Variants in SPATA21 observed in about 807,000 individuals in gnomAD.
SPATA21 encodes spermatogenesis-associated protein 21.
A neutral mutation model predicts 54.8 loss-of-function variants in SPATA21; 47 were observed. The observed-to-expected ratio is 0.86, with a 90% CI of 0.68 to 1.09. SPATA21 has a LOEUF of 1.09. Ranked by LOEUF, SPATA21 falls within the 50% of genes least tolerant of loss-of-function variation. SPATA21 has a pLI of 0.00. For missense variants in SPATA21, 599 were observed against 596.4 expected (o/e 1.00, Z -0.05); for synonymous variants, 245 against 235.3 (o/e 1.04, Z -0.38).
chr1:16,400,558 A>AT, intron 11 of SPATA21, 162 bp downstream of exon 11: 1 of 1,441,952 alleles, frequency 6.9e-7, no homozygotes, highest in Non-Finnish European at 9.1e-7. Context: ...GAAAATAGTG[A>AT]TTATCAGCCT....
intron 3 of SPATA21, among the ~76,000 whole-genome samples, chr1:16,422,509 A>T (rs867844797): frequency 7.0e-6 from 1 of 142,872 alleles, no homozygotes; most frequent in African/African-American, 2.6e-5. Flanking sequence ...GTGTGTGTGT[A>T]TTTTTTTTTT....
intron 3 of SPATA21, among the ~76,000 whole-genome samples, chr1:16,424,584 A>G (rs1360550229): frequency 6.6e-6 from 1 of 151,696 alleles, no homozygotes; most frequent in Admixed American, 6.6e-5. Flanking sequence ...CATCCAGCTA[A>G]CTTTGGTATT....
chr1:16,399,400 AG>A lies in SPATA21; in HGVS notation c.1295del (p.Pro432LeufsTer44), dbSNP rs758964882. On this transcript the variant is annotated frameshift_variant, in exon 12 of 13. Coordinates refer to ENST00000335496, the MANE Select transcript of SPATA21 (RefSeq NM_198546.1). LOFTEE classifies it high-confidence loss of function. ...NHYALDQCTP[P>X]GLDPDIRSPF... is the part of the protein sequence containing the mutation. ...GGCTGCGGATGTCAGGATCCAGGCCAGGGGGTGTGCACTGGTCTAGTGCATA... is the reference window on the plus strand; with the variant it reads ...GGCTGCGGATGTCAGGATCCAGGCCAGGGGTGTGCACTGGTCTAGTGCATA... The A allele has an allele frequency of 6.8e-6, 11 of 1,613,752 alleles. No individual in the cohort carries two copies. Among genetic ancestry groups the A allele is most frequent in the African/African-American group, 4.0e-5 (3 of 74,784 alleles).
At position 16,409,464 on chromosome 1, in the gene SPATA21, G is replaced by A; in HGVS notation, c.587+137C>T. The stretch of plus-strand genomic sequence containing the variant: ...GCAGAGACATGGGAGATGCGGAGAG[G>A]AGACACATGAGGAGAAATGGAGAGA... On this transcript the variant is annotated intron_variant, in intron 6 of 12. Transcript: ENST00000335496. The surrounding 1 kb of genome is among the most constrained non-coding windows in gnomAD (Gnocchi z 4.1). 1 of 964,436 alleles carries A rather than the reference G, an allele frequency of 1.0e-6. No homozygotes were observed. The highest frequency in any genetic ancestry group is 1.5e-6 in the Non-Finnish European group (1 of 656,486). 59.7% of individuals were successfully genotyped at this position (964,436 alleles called of 1,614,324 possible).
At chr1:16,408,046 C>T (rs1046412683) in intron 7 of SPATA21, among the ~76,000 whole-genome samples, 9 of 152,160 alleles carry the variant, frequency 5.9e-5, no homozygotes, top group Non-Finnish European at 8.8e-5. Context: ...GGATTATAGG[C>T]ATGAGCCACT....
chr1:16,411,496 T>C (rs2085841057), intron 5 of SPATA21, among the ~76,000 whole-genome samples: 2 of 151,888 alleles, frequency 1.3e-5, no homozygotes, highest in Non-Finnish European at 2.9e-5. Flanking sequence ...CTTCCTTCTT[T>C]AAGAACAAAA....
intron 10 of SPATA21, among the ~76,000 whole-genome samples, chr1:16,401,753 G>A (rs988621738): frequency 6.6e-6 from 1 of 152,104 alleles, no homozygotes; most frequent in African/African-American, 2.4e-5. Context: ...GAGTAGCTAG[G>A]CTCCCGCTGG....
At chr1:16,425,925 T>A (rs181487320) in intron 3 of SPATA21, among the ~76,000 whole-genome samples, 19 of 152,098 alleles carry the variant, frequency 1.2e-4, no homozygotes, top group Non-Finnish European at 2.1e-4. Flanking sequence ...CTTTCACAAT[T>A]ATTTGTAGAG....
intron 2 of SPATA21, among the ~76,000 whole-genome samples, 154 bp from the exon 3 acceptor site, chr1:16,431,576 T>C (rs947676976): frequency 6.6e-6 from 1 of 152,172 alleles, no homozygotes; most frequent in Non-Finnish European, 1.5e-5. Context: ...ACCAGAGAGC[T>C]AGCCACATGC....
chr1:16,425,560 C>G, intron 3 of SPATA21: 2 of 1,549,618 alleles, frequency 1.3e-6, no homozygotes, highest in Non-Finnish European at 8.7e-7. Flanking sequence ...CCCCGATTCC[C>G]CGGTTCCGTT....
intron 3 of SPATA21, among the ~76,000 whole-genome samples, chr1:16,429,517 C>T (rs987839741): frequency 6.6e-6 from 1 of 151,950 alleles, no homozygotes; most frequent in Non-Finnish European, 1.5e-5. Flanking sequence ...TCTTGTTGCC[C>T]AGGCTGGAGT....
intron 7 of SPATA21, chr1:16,408,842 C>T (rs2085730482): frequency 3.3e-6 from 1 of 301,152 alleles, no homozygotes; most frequent in Non-Finnish European, 6.2e-6. Context: ...TGCACTCCAG[C>T]CTGGGTGACA....
In SPATA21 at chr1:16,409,482, T is replaced by C; in HGVS notation, c.587+119A>G. On this transcript the variant is annotated intron_variant, in intron 6 of 12. Transcript: ENST00000335496. This position sits in a 1 kb window ranked among gnomAD's most constrained non-coding sequence, Gnocchi z 4.1. ...CGGAGAGGAGACACATGAGGAGAAATGGAGAGAGGGGGACACACGAGGGAA... is the reference window on the plus strand; with the variant it reads ...CGGAGAGGAGACACATGAGGAGAAACGGAGAGAGGGGGACACACGAGGGAA... 1 of 1,087,872 alleles carries C rather than the reference T, an allele frequency of 9.2e-7. No individual in the cohort carries two copies. Among genetic ancestry groups the C allele is most frequent in the Non-Finnish European group, 1.3e-6 (1 of 765,458 alleles). The allele number at this position is 1,087,872 out of a possible 1,614,324, so 67.4% of individuals were successfully genotyped here.
At position 16,431,417 on chromosome 1, in the gene SPATA21, G is replaced by C; in HGVS notation, c.-46C>G. 6.2e-7 allele frequency: 1 copy of C among 1,611,740 alleles called. No homozygotes were observed. On this transcript the variant is annotated 5_prime_UTR_variant, in exon 3 of 13. Coordinates refer to ENST00000335496, the MANE Select transcript of SPATA21 (RefSeq NM_198546.1). ...TGCCAAGTGAGGGGCATCACCTAGT[G>C]TGCTCCTACAGGAGAAATCCAATCA...
intron 5 of SPATA21, among the ~76,000 whole-genome samples, chr1:16,419,134 T>C (rs1236442083): frequency 2.0e-5 from 3 of 152,100 alleles, no homozygotes; most frequent in South Asian, 2.1e-4. Flanking sequence ...CTCCTTGAGA[T>C]GGCTGGCCAG....
rs777854299 is a variant in SPATA21, at chr1:16,409,932, T to C, written c.256A>G (p.Met86Val). 19 of 1,613,794 alleles carry C rather than the reference T, an allele frequency of 1.2e-5. No homozygotes were observed. The highest frequency in any genetic ancestry group is 1.4e-5 in the Non-Finnish European group (17 of 1,179,920). ...QSLGNFRQGF[M>V]KCLLEVEKME... ...TTCTCCACCTCCAGCAAGCACTTCA[T>C]GAAGCCCTGCCGGAAGTTCCCGAGG... The change falls in exon 6 of 13, where the codon ATG (methionine) becomes GTG (valine). Residue 86 changes from methionine to valine, a missense_variant. By Grantham distance (21) the Met-to-Val change is conservative. Coordinates refer to ENST00000335496, the MANE Select transcript of SPATA21 (RefSeq NM_198546.1). The surrounding 1 kb of genome is among the most constrained non-coding windows in gnomAD (Gnocchi z 4.1).
chr1:16,400,499 CAGG>C (rs1312800758), intron 11 of SPATA21: 8 of 1,313,770 alleles, frequency 6.1e-6, no homozygotes, highest in Non-Finnish European at 7.8e-6. Context: ...CAGGCTAAGG[CAGG>C]AGGGGAGGAG....
intron 11 of SPATA21, 99 bp from the exon 12 acceptor site, chr1:16,399,620 C>A: frequency 7.2e-7 from 1 of 1,383,474 alleles, no homozygotes; most frequent in Non-Finnish European, 9.7e-7. Context: ...TACATAATGA[C>A]CTGAGTGGTT....
At chr1:16,424,247 A>T (rs1376511654) in intron 3 of SPATA21, among the ~76,000 whole-genome samples, 2 of 123,740 alleles carry the variant, frequency 1.6e-5, no homozygotes, top group Non-Finnish European at 3.4e-5. Context: ...TGGGAGGCAG[A>T]GCTTGCAGTG....
Sources: gnomAD v4.1 joint callset for allele counts (sites outside exome capture counted in the v4.1 genomes callset) on GRCh38, gnomAD v4.1.1 for gene constraint, Gnocchi (gnomAD v3.1) non-coding constraint, MANE v1.5 for transcripts, NCBI Gene and HGNC (gene_info 2026-07-23, HGNC 2026-07-21) for gene names.